Variants in ENTREP2 observed in about 807,000 individuals in gnomAD.
ENTREP2 encodes the protein endosomal transmembrane epsin interactor 2.
the ENTREP2 span, among the ~76,000 whole-genome samples, chr15:29,621,245 G>A: frequency 7.3e-5 from 11 of 150,546 alleles, no homozygotes; most frequent in African/African-American, 1.5e-4. Context: ...AAAAATAGGC[G>A]GGGCACAGTG....
chr15:29,196,104 T>C, the ENTREP2 span, among the ~76,000 whole-genome samples: 1 of 152,094 alleles, frequency 6.6e-6, no homozygotes, highest in Non-Finnish European at 1.5e-5. Context: ...TCCCTGATGG[T>C]ATAACAGCCA....
chr15:29,400,882 C>A, the ENTREP2 span, among the ~76,000 whole-genome samples: 1 of 152,184 alleles, frequency 6.6e-6, no homozygotes, highest in Non-Finnish European at 1.5e-5. Context: ...GGTGGAGTCC[C>A]GTCCCCATCC....
At chr15:29,351,416 G>A in the ENTREP2 span, among the ~76,000 whole-genome samples, 1 of 152,052 alleles carries the variant, frequency 6.6e-6, no homozygotes, top group Non-Finnish European at 1.5e-5. Context: ...TCTTATTTTT[G>A]TAATCAATAA....
At chr15:29,384,408 T>C in the ENTREP2 span, among the ~76,000 whole-genome samples, 1 of 152,160 alleles carries the variant, frequency 6.6e-6, no homozygotes, top group African/African-American at 2.4e-5. Context: ...GGCACGCTCC[T>C]GTTTCACCTG....
chr15:29,119,977 C>T, the ENTREP2 span, among the ~76,000 whole-genome samples: 8 of 152,364 alleles, frequency 5.3e-5, no homozygotes, highest in African/African-American at 1.9e-4. Context: ...TGAGCCATGG[C>T]CTGCATTCCT....
the ENTREP2 span, among the ~76,000 whole-genome samples, chr15:29,634,699 T>A: frequency 6.6e-6 from 1 of 152,130 alleles, no homozygotes. Flanking sequence ...CAGCAACAAG[T>A]CCGGGGCCTC....
the ENTREP2 span, chr15:29,137,149 G>A: frequency 2.0e-6 from 3 of 1,481,306 alleles, no homozygotes; most frequent in African/African-American, 1.5e-5. Context: ...GTGCCGTGAG[G>A]AGTCACGCAG....
At chr15:29,448,198 A>G in the ENTREP2 span, among the ~76,000 whole-genome samples, 3 of 152,200 alleles carry the variant, frequency 2.0e-5, no homozygotes, top group Non-Finnish European at 4.4e-5. Context: ...ACAGTGGCCT[A>G]TAGGTGGGTC....
chr15:29,135,385 T>C, the ENTREP2 span, among the ~76,000 whole-genome samples: 1 of 152,158 alleles, frequency 6.6e-6, no homozygotes, highest in Non-Finnish European at 1.5e-5. This position sits in a 1 kb window ranked among gnomAD's most constrained non-coding sequence, Gnocchi z 7.4. Context: ...AGCTGTCGAT[T>C]TGGTCTATTT....
At chr15:29,177,280 G>A in the ENTREP2 span, among the ~76,000 whole-genome samples, 1 of 152,154 alleles carries the variant, frequency 6.6e-6, no homozygotes, top group Non-Finnish European at 1.5e-5. Context: ...AAAAGCAACT[G>A]TATGGCAGGA....
the ENTREP2 span, among the ~76,000 whole-genome samples, chr15:29,275,683 G>A: frequency 1.3e-5 from 2 of 152,052 alleles, no homozygotes; most frequent in Admixed American, 6.5e-5. Flanking sequence ...TTGTCTTTTC[G>A]ATAGCAAATG....
At chr15:29,195,333 T>G in the ENTREP2 span, 2 of 985,116 alleles carry the variant, frequency 2.0e-6, no homozygotes, top group African/African-American at 3.5e-5. Context: ...AGACCACCCA[T>G]GGAGGACTAA....
the ENTREP2 span, among the ~76,000 whole-genome samples, chr15:29,578,812 T>G: frequency 6.6e-6 from 1 of 152,022 alleles, no homozygotes. Context: ...TCTTAAACTA[T>G]GTTAAAATTG....
chr15:29,479,951 G>A, the ENTREP2 span, among the ~76,000 whole-genome samples: 1 of 152,114 alleles, frequency 6.6e-6, no homozygotes, highest in Non-Finnish European at 1.5e-5. Flanking sequence ...ATGTGGTTCT[G>A]TGGACATGGC....
chr15:29,345,211 T>C, the ENTREP2 span, among the ~76,000 whole-genome samples: 2 of 152,310 alleles, frequency 1.3e-5, no homozygotes, highest in South Asian at 4.1e-4. Context: ...TATAGGTCTT[T>C]GGATAGTTCT....
chr15:29,496,244 T>C, the ENTREP2 span, among the ~76,000 whole-genome samples: 1 of 152,040 alleles, frequency 6.6e-6, no homozygotes, highest in Admixed American at 6.6e-5. Context: ...AACTGCTTTT[T>C]ATATCCTGCA....
At chr15:29,450,464 G>A in the ENTREP2 span, among the ~76,000 whole-genome samples, 2 of 152,108 alleles carry the variant, frequency 1.3e-5, no homozygotes, top group Middle Eastern at 3.2e-3. Context: ...CAGCTATCCC[G>A]GCACCATTTA....
the ENTREP2 span, among the ~76,000 whole-genome samples, chr15:29,489,214 G>T: frequency 6.6e-6 from 1 of 152,176 alleles, no homozygotes; most frequent in South Asian, 2.1e-4. Context: ...AAGCAGCATG[G>T]ATTACCCTGA....
At chr15:29,423,037 C>G in the ENTREP2 span, among the ~76,000 whole-genome samples, 2 of 152,132 alleles carry the variant, frequency 1.3e-5, no homozygotes, top group Non-Finnish European at 2.9e-5. Context: ...ATGGGTTCCA[C>G]GTCAACGAGG....
Sources: allele counts gnomAD v4.1 joint callset (sites outside exome capture counted in the v4.1 genomes callset), GRCh38; gene constraint gnomAD v4.1.1; non-coding constraint Gnocchi (gnomAD v3.1); transcripts MANE v1.5; gene names NCBI Gene and HGNC (gene_info 2026-07-23, HGNC 2026-07-21).